CFAP54: variants seen among roughly 807,000 people sequenced by gnomAD.
CFAP54 encodes the protein cilia- and flagella-associated protein 54.
Under a neutral mutation model 370.4 loss-of-function variants are expected in CFAP54, and 290 were observed. The ratio of observed to expected loss-of-function variants is 0.78; its 90% CI spans 0.71 to 0.86. CFAP54 has a LOEUF of 0.86. Among genes scored for constraint, CFAP54 ranks in the 40% least tolerant of loss-of-function variants. CFAP54 has a pLI of 0.00. For synonymous variants in CFAP54, 1,206 were observed against 1,236.5 expected (o/e 0.98, Z 0.52); for missense variants, 3,399 against 3,528.7 (o/e 0.96, Z 0.93).
At chr12:96,761,010 A>G (rs1424571461) in intron 58 of CFAP54, among the ~76,000 whole-genome samples, 2 of 151,948 alleles carry the variant, frequency 1.3e-5, no homozygotes, top group African/African-American at 4.8e-5. Flanking sequence ...TTATATGGCA[A>G]CTCTATGTTT....
chr12:96,566,707 T>A (rs974479459), intron 19 of CFAP54, among the ~76,000 whole-genome samples: 1 of 152,162 alleles, frequency 6.6e-6, no homozygotes, highest in African/African-American at 2.4e-5. Flanking sequence ...AGTAGAATAC[T>A]GAAATTCAAG....
intron 45 of CFAP54, among the ~76,000 whole-genome samples, chr12:96,697,966 A>G (rs1957453525): frequency 6.6e-6 from 1 of 152,098 alleles, no homozygotes; most frequent in African/African-American, 2.4e-5. Context: ...TGGCCTCTAC[A>G]CTAAGGTCCC....
chr12:96,720,351 G>A (rs185173671), intron 49 of CFAP54, 54 bp from the exon 50 acceptor site: 20 of 1,280,846 alleles, frequency 1.6e-5, no homozygotes, highest in Middle Eastern at 4.8e-4. Context: ...AGAAGAAAGA[G>A]ACAGTATTTG....
At chr12:96,791,450 C>T (rs181166953) in intron 62 of CFAP54, among the ~76,000 whole-genome samples, 368 of 152,254 alleles carry the variant, frequency 2.4e-3, no homozygotes, top group Non-Finnish European at 4.0e-3. Flanking sequence ...GAAGATTCCT[C>T]ATTCAGTGAC....
chr12:96,540,865 A>C lies in CFAP54; in HGVS notation c.1955A>C (p.Glu652Ala), dbSNP rs147598494. 6.8e-7 allele frequency: 1 copy of C among 1,472,080 alleles called. No homozygotes were observed. Among genetic ancestry groups the C allele is most frequent in the African/African-American group, 1.4e-5 (1 of 70,320 alleles). 91.2% of individuals were successfully genotyped at this position (1,472,080 alleles called of 1,614,324 possible). Residue 652 changes from glutamate to alanine, a missense_variant, in exon 14 of 68, where the codon GAA becomes GCA. Physicochemically the swap from Glu to Ala is moderately radical, Grantham distance 107. This residue lies in a region of CFAP54 where 2,796 missense variants were observed against 2,869.7 expected (regional missense o/e 0.97). Transcript: ENST00000524981. ...ATTTATCTTCTGTGGCAGATAAATG[A>C]AGTAATTCACTGCTATAAAATGGAA... is the stretch of plus-strand genomic sequence containing the variant. ...KWIYLLWQIN[E>A]VIHCYKMEDI...
Position 96,598,831 on chromosome 12 carries a change from A to G in CFAP54, c.3639+64A>G, listed in dbSNP as rs1956208040. The G allele has an allele frequency of 1.2e-5, 5 of 425,904 alleles. 1 individual carries two copies. The highest frequency in any genetic ancestry group is 1.5e-4 in the South Asian group (2 of 13,314). The allele number at this position is 425,904 out of a possible 1,614,324, so 26.4% of individuals were successfully genotyped here. ...GGAGCGATGATGATTTGGAAAGTCT[A>G]CTTTTAATCACAATAAGAACACTTT... On this transcript the variant is annotated intron_variant, in intron 26 of 67. Transcript: ENST00000524981.
chr12:96,543,460 G>T (rs983913644), intron 14 of CFAP54, among the ~76,000 whole-genome samples: 1 of 152,198 alleles, frequency 6.6e-6, no homozygotes, highest in Admixed American at 6.5e-5. Flanking sequence ...GTGAAGGGCT[G>T]CTAGGAGACT....
chr12:96,598,535 A>G, intron 25 of CFAP54, 110 bp from the exon 26 acceptor site: 3 of 432,000 alleles, frequency 6.9e-6, no homozygotes, highest in East Asian at 6.5e-5. Context: ...ATAATTATTG[A>G]TAACAAAATT....
chr12:96,836,948 C>G (rs955784364), intron 66 of CFAP54, among the ~76,000 whole-genome samples: 14 of 152,136 alleles, frequency 9.2e-5, no homozygotes, highest in African/African-American at 3.4e-4. Flanking sequence ...CTGCCTCAGT[C>G]TTCTGATTAG....
intron 47 of CFAP54, among the ~76,000 whole-genome samples, chr12:96,706,499 T>C (rs901393107): frequency 6.6e-6 from 1 of 152,124 alleles, no homozygotes; most frequent in Admixed American, 6.5e-5. Context: ...CAAGCCAGTG[T>C]GGCTAGAGCT....
rs114324682 is a variant in CFAP54 at position 96,657,928 on chromosome 12, A to G, written c.5147A>G (p.Asn1716Ser). Residue 1716 changes from asparagine (N) to serine (S), a missense_variant, in exon 37 of 68, where the codon AAT (asparagine) becomes AGT (serine). Asn to Ser is a conservative substitution (Grantham distance 46, BLOSUM62 1). Around this residue, in one of 3 missense-constraint regions of CFAP54, gnomAD observed 2,796 missense variants for 2,869.7 expected, o/e 0.97. Transcript: ENST00000524981. ...GEFSVPSCYG[N>S]IKNDNGGSSL... is the part of the protein sequence containing the mutation. ...TTCAGTGTTCCAAGCTGTTATGGGA[A>G]TATTAAAAATGACAACGGTGGTTCT... The G allele has an allele frequency of 2.0e-4, 323 of 1,613,846 alleles. 3 individuals carry two copies. The East Asian group carries it at 7.1e-3, about 36-fold the overall frequency.
At chr12:96,685,484 C>A (rs1002069413) in intron 42 of CFAP54, among the ~76,000 whole-genome samples, 3 of 152,134 alleles carry the variant, frequency 2.0e-5, no homozygotes, top group African/African-American at 7.2e-5. Flanking sequence ...GTTTGCTTTG[C>A]TTACTCATGG....
At chr12:96,599,104 AC>A (rs1178140433) in intron 26 of CFAP54, among the ~76,000 whole-genome samples, 5 of 152,016 alleles carry the variant, frequency 3.3e-5, no homozygotes, top group African/African-American at 1.2e-4. Flanking sequence ...GGTTTGCTGC[AC>A]CCATCAACTC....
At chr12:96,544,542 C>T (rs1433977207) in intron 14 of CFAP54, among the ~76,000 whole-genome samples, 2 of 152,074 alleles carry the variant, frequency 1.3e-5, no homozygotes, top group Non-Finnish European at 1.5e-5. Flanking sequence ...TCTCTGTCTT[C>T]GAGCTGATCA....
chr12:96,722,938 C>T (rs1419990799), intron 50 of CFAP54, among the ~76,000 whole-genome samples: 2 of 150,870 alleles, frequency 1.3e-5, no homozygotes, highest in Admixed American at 1.3e-4. Flanking sequence ...GGGGAAACAC[C>T]AGGAATTAAA....
chr12:96,567,987 T>C (rs955022190), intron 19 of CFAP54, among the ~76,000 whole-genome samples: 3 of 152,080 alleles, frequency 2.0e-5, no homozygotes, highest in African/African-American at 7.2e-5. Context: ...ATGAAGAAGC[T>C]CAGGGGTACT....
chr12:96,867,268 A>G (rs979996614), intron 67 of CFAP54, among the ~76,000 whole-genome samples: 2 of 152,278 alleles, frequency 1.3e-5, no homozygotes, highest in Non-Finnish European at 2.9e-5. Context: ...CCTGGCAAAA[A>G]TGTCCTTTCT....
intron 6 of CFAP54, among the ~76,000 whole-genome samples, chr12:96,519,317 T>G (rs1477529379): frequency 6.6e-6 from 1 of 152,154 alleles, no homozygotes; most frequent in Non-Finnish European, 1.5e-5. Context: ...CAGGCTGATT[T>G]CGAACTCCTG....
chr12:96,672,613 A>G lies in CFAP54; in HGVS notation c.5564-6987A>G, dbSNP rs115456919. On this transcript the variant is annotated intron_variant, in intron 39 of 67. Coordinates refer to ENST00000524981, the MANE Select transcript of CFAP54 (RefSeq NM_001306084.2). ...AGATTACCCCTCATAGTCAGAAACA[A>G]TGGGAAGACCACCTTCTTATGGTCA... is the stretch of plus-strand genomic sequence containing the variant. Among the ~76,000 whole-genome samples, 744 of 152,314 alleles carry G rather than the reference A, an allele frequency of 4.9e-3. 7 individuals are homozygous for G. Among genetic ancestry groups the G allele is most frequent in the African/African-American group, 0.017 (699 of 41,564 alleles).
Sources: gnomAD v4.1 joint callset for allele counts (sites outside exome capture counted in the v4.1 genomes callset) on GRCh38, gnomAD v4.1.1 for gene constraint, gnomAD v4.1.1 regional missense constraint, MANE v1.5 for transcripts, NCBI Gene and HGNC (gene_info 2026-07-23, HGNC 2026-07-21) for gene names.